SLC39A11: variants seen among roughly 807,000 people sequenced by gnomAD.
SLC39A11 encodes solute carrier family 39 member 11.
A neutral mutation model predicts 36.1 loss-of-function variants in SLC39A11; 33 were observed. That is an observed-to-expected ratio of 0.91 (90% confidence interval 0.69 to 1.22). The LOEUF (loss-of-function observed/expected upper bound fraction) is 1.22. SLC39A11 is among the 50% of genes most tolerant of loss of function. The pLI, the probability that SLC39A11 is intolerant of heterozygous loss-of-function variation, is 0.00. For missense variants in SLC39A11, 432 were observed against 430.3 expected, an observed-to-expected ratio of 1.00 and a Z score of -0.03; for synonymous variants, 166 against 170.3, an observed-to-expected ratio of 0.97 and a Z score of 0.20.
At position 72,884,986 on chromosome 17, in the gene SLC39A11, C is replaced by T. The variant is rs117807429; in HGVS notation, c.431-35182G>A. On this transcript the variant is annotated intron_variant, in intron 5 of 9. Coordinates refer to ENST00000255559, the MANE Select transcript of SLC39A11 (RefSeq NM_139177.4). ...TTAACTTTCTTCAGATTTATCATCC[C>T]TTTAAAAGGCCTGTTTTGACAAAGG... Among the ~76,000 whole-genome samples, 577 of 152,284 alleles carry T rather than the reference C, an allele frequency of 3.8e-3. 9 individuals are homozygous for T. The highest frequency in any genetic ancestry group is 0.024 in the Admixed American group (361 of 15,306).
At chr17:73,049,379 A>C (rs1001991012) in intron 3 of SLC39A11, among the ~76,000 whole-genome samples, 12 of 150,734 alleles carry the variant, frequency 8.0e-5, no homozygotes, top group African/African-American at 2.9e-4. Flanking sequence ...TGCGCCTTCC[A>C]GGGCAGGAGC....
intron 5 of SLC39A11, among the ~76,000 whole-genome samples, chr17:72,878,480 C>T (rs2081033304): frequency 6.6e-6 from 1 of 152,148 alleles, no homozygotes; most frequent in South Asian, 2.1e-4. Flanking sequence ...CTGTTTTTCT[C>T]TCTTGGCCTG....
intron 1 of SLC39A11, among the ~76,000 whole-genome samples, chr17:73,090,399 GA>G (rs561826649): frequency 2.3e-4 from 34 of 149,708 alleles, no homozygotes; most frequent in African/African-American, 6.1e-4. Context: ...GCCAATTAAA[GA>G]AAAAAAAAAT....
chr17:72,690,838 T>A (rs2071994831), intron 7 of SLC39A11, among the ~76,000 whole-genome samples: 1 of 152,068 alleles, frequency 6.6e-6, no homozygotes, highest in Non-Finnish European at 1.5e-5. Context: ...GCAGGGCTCC[T>A]GGTGTGCCCG....
chr17:72,734,768 C>T (rs1242621327), intron 7 of SLC39A11, among the ~76,000 whole-genome samples: 3 of 152,206 alleles, frequency 2.0e-5, no homozygotes, highest in Non-Finnish European at 4.4e-5. Context: ...GCCTGGGGCA[C>T]AGCTGTCACT....
At chr17:72,912,058 T>C (rs67286914) in intron 5 of SLC39A11, among the ~76,000 whole-genome samples, 77,847 of 151,984 alleles carry the variant, frequency 0.51, 19,917 homozygotes, top group African/African-American at 0.53. Flanking sequence ...TGGGCATTGG[T>C]GCTGCAGGCA....
chr17:72,765,643 G>A (rs2075733756), intron 6 of SLC39A11, among the ~76,000 whole-genome samples: 1 of 152,206 alleles, frequency 6.6e-6, no homozygotes, highest in Non-Finnish European at 1.5e-5. Flanking sequence ...GGGCTGGACA[G>A]TGCTGGGCAC....
intron 7 of SLC39A11, among the ~76,000 whole-genome samples, chr17:72,681,390 T>C (rs919624390): frequency 2.0e-5 from 3 of 152,176 alleles, no homozygotes; most frequent in African/African-American, 4.8e-5. Context: ...TTTCTAAGCA[T>C]TGGCTATAGC....
chr17:72,973,323 G>GA (rs397726331), intron 4 of SLC39A11, among the ~76,000 whole-genome samples: 2 of 151,468 alleles, frequency 1.3e-5, no homozygotes, highest in African/African-American at 4.9e-5. Flanking sequence ...TGCCGGGGGG[G>GA]CACCAGGCTA....
chr17:72,719,082 T>C (rs1231156829), intron 7 of SLC39A11, among the ~76,000 whole-genome samples: 1 of 108,876 alleles, frequency 9.2e-6, no homozygotes. Flanking sequence ...CTACTAAAAA[T>C]ACAAAAAAAA....
chr17:72,979,592 G>A (rs2088138937), intron 4 of SLC39A11, among the ~76,000 whole-genome samples: 1 of 152,090 alleles, frequency 6.6e-6, no homozygotes, highest in African/African-American at 2.4e-5. Context: ...CTAGAAAAGG[G>A]AAAATTTGGG....
At chr17:72,928,241 A>C (rs1016536309) in intron 5 of SLC39A11, among the ~76,000 whole-genome samples, 1 of 152,252 alleles carries the variant, frequency 6.6e-6, no homozygotes, top group East Asian at 1.9e-4. Flanking sequence ...GGCAGAGACC[A>C]AGTTCACTAA....
At chr17:72,818,268 G>A (rs908502662) in intron 6 of SLC39A11, among the ~76,000 whole-genome samples, 19 of 152,152 alleles carry the variant, frequency 1.2e-4, no homozygotes, top group Non-Finnish European at 2.2e-4. Context: ...CACTGCTCCC[G>A]TGGCTTAGTT....
intron 6 of SLC39A11, among the ~76,000 whole-genome samples, chr17:72,813,127 C>T (rs1278028504): frequency 6.6e-6 from 1 of 152,126 alleles, no homozygotes; most frequent in African/African-American, 2.4e-5. Flanking sequence ...TTTTGGGATG[C>T]CTTGCTATTG....
At chr17:73,083,587 TC>T (rs1479855416) in intron 3 of SLC39A11, among the ~76,000 whole-genome samples, 2 of 151,868 alleles carry the variant, frequency 1.3e-5, no homozygotes, top group Non-Finnish European at 2.9e-5. Flanking sequence ...TAATCAAGAC[TC>T]CAGGTCTAAC....
chr17:72,818,566 C>A (rs890101377), intron 6 of SLC39A11, among the ~76,000 whole-genome samples: 8 of 152,174 alleles, frequency 5.3e-5, no homozygotes, highest in African/African-American at 1.7e-4. Context: ...AACCTATGTT[C>A]TTTTTCCCAC....
At chr17:72,907,423 GA>G (rs2082713649) in intron 5 of SLC39A11, among the ~76,000 whole-genome samples, 1 of 152,178 alleles carries the variant, frequency 6.6e-6, no homozygotes, top group Admixed American at 6.5e-5. Context: ...CCAGGAGGCG[GA>G]GATTGCAGTG....
chr17:73,079,504 T>C (rs1218803338), intron 3 of SLC39A11, among the ~76,000 whole-genome samples: 1 of 152,118 alleles, frequency 6.6e-6, no homozygotes, highest in African/African-American at 2.4e-5. Flanking sequence ...CTTAAGGTAA[T>C]AAAAGTCATC....
intron 4 of SLC39A11, among the ~76,000 whole-genome samples, chr17:72,973,206 A>G (rs2087585433): frequency 1.3e-5 from 2 of 151,920 alleles, no homozygotes; most frequent in African/African-American, 2.4e-5. Flanking sequence ...GTTTGATTAG[A>G]AGAAATAGAA....
Sources: allele counts gnomAD v4.1 joint callset (sites outside exome capture counted in the v4.1 genomes callset), GRCh38; gene constraint gnomAD v4.1.1; transcripts MANE v1.5; gene names NCBI Gene and HGNC (gene_info 2026-07-23, HGNC 2026-07-21).